NIBAN2: variants seen among roughly 807,000 people sequenced by gnomAD.
The protein encoded by NIBAN2 is niban apoptosis regulator 2, also known as protein Niban 2.
A neutral mutation model predicts 81.8 loss-of-function variants in NIBAN2; 36 were observed. That is an observed-to-expected ratio of 0.44 (90% CI 0.34 to 0.58). NIBAN2 has a LOEUF of 0.58. Among genes scored for constraint, NIBAN2 ranks in the 20% least tolerant of loss-of-function variants. NIBAN2 has a pLI of 0.02. For missense variants in NIBAN2, 897 were observed against 1,014.1 expected, an observed-to-expected ratio of 0.88 and a Z score of 1.57; for synonymous variants, 445 against 441.6, an observed-to-expected ratio of 1.01 and a Z score of -0.10.
At chr9:127,542,769 C>T (rs971544453) in intron 1 of NIBAN2, among the ~76,000 whole-genome samples, 1 of 152,240 alleles carries the variant, frequency 6.6e-6, no homozygotes, top group African/African-American at 2.4e-5. Context: ...GTTGCCCAGG[C>T]TGGAGTGCAG....
chr9:127,578,626 C>T (rs555054777), intron 1 of NIBAN2, among the ~76,000 whole-genome samples: 19 of 151,582 alleles, frequency 1.3e-4, no homozygotes, highest in African/African-American at 3.6e-4. Context: ...CGAGATCTCG[C>T]CATTGCAGTC....
chr9:127,544,076 C>T (rs971991266), intron 1 of NIBAN2, among the ~76,000 whole-genome samples: 1 of 152,170 alleles, frequency 6.6e-6, no homozygotes, highest in Non-Finnish European at 1.5e-5. Flanking sequence ...TGCTTCTGTT[C>T]GCTGCTCAAA....
chr9:127,525,041 G>T lies in NIBAN2; in HGVS notation c.421+17C>A. The T allele has an allele frequency of 2.5e-6, 4 of 1,592,262 alleles. No homozygotes were observed. Among genetic ancestry groups the T allele is most frequent in the Non-Finnish European group, 2.6e-6 (3 of 1,160,234 alleles). On this transcript the variant is annotated intron_variant, in intron 4 of 13. Coordinates refer to ENST00000373312, the MANE Select transcript of NIBAN2 (RefSeq NM_022833.4). Reference sequence around the variant, plus strand: ...GCCTGTGCAGGGCATTGTGGCCTGGGATGGGTGCTCCTTTACCTGGTAAGG... The same window carrying T: ...GCCTGTGCAGGGCATTGTGGCCTGGTATGGGTGCTCCTTTACCTGGTAAGG...
chr9:127,565,586 A>G (rs575619526), intron 1 of NIBAN2, among the ~76,000 whole-genome samples: 13 of 151,648 alleles, frequency 8.6e-5, no homozygotes, highest in African/African-American at 3.1e-4. Context: ...TGAGGTCAGG[A>G]GTTCGAGACC....
rs528150440 is a variant in NIBAN2 at position 127,555,467 on chromosome 9, C to G, written c.55+13353G>C. ...CCCCAGGCTAAAACCCCGAAGCCAG[C>G]CCGCCCACCCAGAACCATGGGGGGC... On this transcript the variant is annotated intron_variant, in intron 1 of 13. Transcript: ENST00000373312. Among the ~76,000 whole-genome samples, 4 of 152,372 alleles carry G rather than the reference C, an allele frequency of 2.6e-5. No individual in the cohort carries two copies. In the South Asian group the frequency reaches 8.3e-4, roughly 32 times the overall value.
chr9:127,512,288 T>A (rs1297292815), intron 8 of NIBAN2, among the ~76,000 whole-genome samples: 12 of 18,732 alleles, frequency 6.4e-4, no homozygotes, highest in Non-Finnish European at 2.9e-3. Context: ...TCATTTTACA[T>A]TTTTTTTTTT....
intron 5 of NIBAN2, among the ~76,000 whole-genome samples, chr9:127,523,186 AAAAAAAATATATATATATATATATATAT>A (rs1836979789): frequency 6.1e-5 from 2 of 32,920 alleles, no homozygotes; most frequent in South Asian, 1.3e-3. Context: ...AAAAAAAAAA[AAAAAAAATATATATATATATATATATAT>A]ATATATATAT....
chr9:127,527,167 A>G, intron 3 of NIBAN2, 27 bp downstream of exon 3: 1 of 1,609,718 alleles, frequency 6.2e-7, no homozygotes, highest in Non-Finnish European at 8.5e-7. Context: ...GGGGAGGCTC[A>G]GTGTGGCGCC....
intron 5 of NIBAN2, 92 bp from the exon 6 acceptor site, chr9:127,518,033 A>C: frequency 5.6e-6 from 4 of 717,594 alleles, no homozygotes; most frequent in Admixed American, 2.9e-5. Context: ...CCCCCCCCAC[A>C]CACATGGCAT....
In NIBAN2 at chr9:127,517,107, C is replaced by T. The variant is rs748894869; in HGVS notation, c.810+5G>A. 6.2e-7 allele frequency: 1 copy of T among 1,612,970 alleles called. No individual in the cohort carries two copies. Among genetic ancestry groups the T allele is most frequent in the South Asian group, 1.1e-5 (1 of 91,006 alleles). ...TCCCCGCTCCAGGGCCCCAGGCCCA[C>T]CCACCTGGATCCACTGCCGCTGCCG... On this transcript the variant is annotated splice_donor_5th_base_variant and intron_variant, in intron 7 of 13. Transcript: ENST00000373312. The surrounding 1 kb of genome is among the most constrained non-coding windows in gnomAD (Gnocchi z 4.0).
Position 127,565,946 on chromosome 9 carries a change from T to TCTCACACACA in NIBAN2, c.55+2873_55+2874insTGTGTGTGAG, listed in dbSNP as rs751937125. On this transcript the variant is annotated intron_variant, in intron 1 of 13. Coordinates refer to ENST00000373312, the MANE Select transcript of NIBAN2 (RefSeq NM_022833.4). Reference sequence around the variant, plus strand: ...GAGACCCTGTCTCTCTCTCTCTCTCTCACACACACACACACACACACACAC... The same window carrying TCTCACACACA: ...GAGACCCTGTCTCTCTCTCTCTCTCTCTCACACACACACACACACACACACACACACACAC... Among the ~76,000 whole-genome samples, 615 of 130,596 alleles carry TCTCACACACA rather than the reference T, an allele frequency of 4.7e-3. 2 individuals are homozygous for TCTCACACACA. The highest frequency in any genetic ancestry group is 6.8e-3 in the Non-Finnish European group (434 of 63,662). The allele number at this position is 130,596 out of a possible 152,430, so 85.7% of individuals were successfully genotyped here. A position where few individuals can be genotyped will look rare whatever the true frequency, so the allele number is the denominator to read the frequency against.
rs138342720 is a variant in NIBAN2 at position 127,515,152 on chromosome 9, G to C, written c.973+1705C>G. 5.5e-3 allele frequency among the ~76,000 whole-genome samples: 836 copies of C among 152,226 alleles called. 5 individuals are homozygous for C. Among genetic ancestry groups the C allele is most frequent in the Non-Finnish European group, 8.2e-3 (555 of 68,022 alleles). The stretch of plus-strand genomic sequence containing the variant: ...GAGGTGGGAGGACTACTTGAGCTCA[G>C]GAGGTCACGCAGTGAACCATGATTG... On this transcript the variant is annotated intron_variant, in intron 8 of 13. Coordinates refer to ENST00000373312, the MANE Select transcript of NIBAN2 (RefSeq NM_022833.4).
At position 127,516,999 on chromosome 9, in the gene NIBAN2, G is replaced by T. The variant is rs775395342; in HGVS notation, c.831C>A (p.His277Gln). 1.9e-6 allele frequency: 3 copies of T among 1,613,860 alleles called. No homozygotes were observed. The highest frequency in any genetic ancestry group is 2.5e-6 in the Non-Finnish European group (3 of 1,179,912). The change falls in exon 8 of 14, where the codon CAC becomes CAA. Residue 277 changes from histidine (H) to glutamine (Q), a missense_variant. Physicochemically the swap from His to Gln is conservative, Grantham distance 24. Transcript: ENST00000373312. ...QWIQISDAVY[H>Q]MVYEQAKARF... Reference sequence around the variant, plus strand: ...GCGCCTTGGCCTGCTCGTACACCATGTGGTACACGGCGTCCGAGATCTGTG... The same window carrying T: ...GCGCCTTGGCCTGCTCGTACACCATTTGGTACACGGCGTCCGAGATCTGTG...
At chr9:127,552,191 T>C (rs1007559240) in intron 1 of NIBAN2, among the ~76,000 whole-genome samples, 3 of 152,214 alleles carry the variant, frequency 2.0e-5, no homozygotes, top group Non-Finnish European at 2.9e-5. Context: ...AGCCTGACAC[T>C]GAGCAGAGAT....
Position 127,508,877 on chromosome 9 carries a change from A to C in NIBAN2, c.1317+99T>G. The C allele has an allele frequency of 7.4e-7, 1 of 1,352,176 alleles. No individual in the cohort carries two copies. The highest frequency in any genetic ancestry group is 1.8e-5 in the Admixed American group (1 of 55,392). The allele number at this position is 1,352,176 out of a possible 1,614,324, so 83.8% of individuals were successfully genotyped here. ...GAGAGCGTGCCAGGCAAGCGTGGCT[A>C]TGGCATGACGGGACGGAGCAGAAGG... On this transcript the variant is annotated intron_variant, in intron 10 of 13. Coordinates refer to ENST00000373312, the MANE Select transcript of NIBAN2 (RefSeq NM_022833.4). The surrounding 1 kb of genome is among the most constrained non-coding windows in gnomAD (Gnocchi z 6.4).
Position 127,506,890 on chromosome 9 carries a change from G to A in NIBAN2, c.2196C>T (p.Leu732=). 3 of 1,612,692 alleles carry A rather than the reference G, an allele frequency of 1.9e-6. No homozygotes were observed. Among genetic ancestry groups the A allele is most frequent in the Non-Finnish European group, 2.5e-6 (3 of 1,179,536 alleles). Reference sequence around the variant, plus strand: ...CTGCACTGTCCTCGGTGGTGGTGTGGAGGGCGGGGTGGCTGCTGGGGCTGG... The same window carrying A: ...CTGCACTGTCCTCGGTGGTGGTGTGAAGGGCGGGGTGGCTGCTGGGGCTGG... ...QVSSPSSHPA[L]HTTTEDSAGV... is the part of the protein sequence containing the mutation. The change falls in exon 14 of 14, where the codon CTC becomes CTT. Residue 732 remains leucine, a synonymous_variant. Transcript: ENST00000373312.
upstream of NIBAN2, among the ~76,000 whole-genome samples, chr9:127,572,413 A>T (rs550165270): frequency 6.6e-6 from 1 of 152,364 alleles, no homozygotes; most frequent in East Asian, 1.9e-4. Flanking sequence ...CCTCGTCTTC[A>T]TAGAGGTTAT....
chr9:127,527,187 G>C lies in NIBAN2; in HGVS notation c.315+7C>G. 2.5e-6 allele frequency: 4 copies of C among 1,612,634 alleles called. No homozygotes were observed. The highest frequency in any genetic ancestry group is 3.4e-6 in the Non-Finnish European group (4 of 1,179,950). On this transcript the variant is annotated splice_region_variant and intron_variant, in intron 3 of 13. Transcript: ENST00000373312. ...GGCTCAGTGTGGCGCCCGGGGCCAG[G>C]CCTCACCGCTTTGTTTTCGTAGAGC...
intron 1 of NIBAN2, among the ~76,000 whole-genome samples, chr9:127,549,947 G>A (rs578065967): frequency 1.3e-5 from 2 of 152,246 alleles, no homozygotes; most frequent in African/African-American, 4.8e-5. Flanking sequence ...TCTGTCCCAG[G>A]TGCCTGCGTG....
Sources: gnomAD v4.1 joint callset for allele counts (sites outside exome capture counted in the v4.1 genomes callset) on GRCh38, gnomAD v4.1.1 for gene constraint, Gnocchi (gnomAD v3.1) non-coding constraint, MANE v1.5 for transcripts, NCBI Gene and HGNC (gene_info 2026-07-23, HGNC 2026-07-21) for gene names.